The following HM13 variants were observed in gnomAD, a reference collection of about 807,000 sequenced individuals.
HM13 encodes the protein signal peptide peptidase.
In HM13, 18 loss-of-function variants were observed where a neutral mutation model predicts 50.0. That is an observed-to-expected ratio of 0.36 (90% CI 0.25 to 0.53). The LOEUF (loss-of-function observed/expected upper bound fraction) is 0.53, where lower values mean the gene tolerates loss of function less well. Ranked by LOEUF, HM13 falls within the 20% of genes least tolerant of loss-of-function variation. HM13 has a pLI of 0.90. For missense variants in HM13, 393 were observed against 552.4 expected, an observed-to-expected ratio of 0.71 and a Z score of 2.89; for synonymous variants, 197 against 232.6, an observed-to-expected ratio of 0.85 and a Z score of 1.39.
chr20:31,517,416 T>A (rs1981863144), intron 1 of HM13, among the ~76,000 whole-genome samples: 1 of 152,050 alleles, frequency 6.6e-6, no homozygotes, highest in Admixed American at 6.6e-5. Context: ...AACATTGGTT[T>A]AAAGGGCCCT....
chr20:31,553,250 T>C (rs987948830), intron 7 of HM13, among the ~76,000 whole-genome samples: 4 of 145,100 alleles, frequency 2.8e-5, no homozygotes, highest in Non-Finnish European at 3.0e-5. Flanking sequence ...GAGCCGATAT[T>C]GCGCCACTGG....
Position 31,526,160 on chromosome 20 carries a change from CTT to C in HM13, c.184-1310_184-1309del, listed in dbSNP as rs543750641. ...CAAAAAAGAAAGTTCGTCATAAATC[CTT>C]TTTTTTTTTTTTTAGACGGAGTCTT... On this transcript the variant is annotated intron_variant, in intron 1 of 12. Transcript: ENST00000398174. Among the ~76,000 whole-genome samples, 769 of 142,648 alleles carry C rather than the reference CTT, an allele frequency of 5.4e-3. 9 individuals carry two copies. Among genetic ancestry groups the C allele is most frequent in the African/African-American group, 0.018 (685 of 38,896 alleles). The allele number at this position is 142,648 out of a possible 152,430, so 93.6% of individuals were successfully genotyped here.
chr20:31,516,368 CAG>C (rs1461666141), intron 1 of HM13, among the ~76,000 whole-genome samples: 3 of 152,194 alleles, frequency 2.0e-5, no homozygotes, highest in East Asian at 1.9e-4. Flanking sequence ...CCACCACTGT[CAG>C]GGGTAAGGGA....
chr20:31,515,193 A>T (rs934708131), intron 1 of HM13, among the ~76,000 whole-genome samples: 2 of 152,152 alleles, frequency 1.3e-5, no homozygotes, highest in Non-Finnish European at 2.9e-5. Context: ...AGCCCACCGC[A>T]GGGCCCTTTC....
intron 9 of HM13, among the ~76,000 whole-genome samples, chr20:31,560,335 T>C (rs375257386): frequency 5.3e-5 from 8 of 152,248 alleles, no homozygotes; most frequent in African/African-American, 1.9e-4. Context: ...CACTTAACTT[T>C]GAGGTGGTTT....
intron 2 of HM13, among the ~76,000 whole-genome samples, chr20:31,535,895 A>T (rs142240176): frequency 1.3e-5 from 2 of 152,212 alleles, no homozygotes; most frequent in African/African-American, 4.8e-5. Flanking sequence ...CCAGGAAAGC[A>T]TGGAAGAACC....
At chr20:31,540,457 C>A (rs112235148) in intron 3 of HM13, 1 of 152,230 alleles carries the variant, frequency 6.6e-6, no homozygotes, top group African/African-American at 2.4e-5. Context: ...CTCCCCACAG[C>A]CCAGCCTCCA....
At chr20:31,521,843 G>A (rs987179416) in intron 1 of HM13, among the ~76,000 whole-genome samples, 1 of 148,296 alleles carries the variant, frequency 6.7e-6, no homozygotes, top group African/African-American at 2.5e-5. Context: ...TCAGATTTCA[G>A]GTCTCCCATT....
chr20:31,543,651 G>T (rs1600645329), intron 3 of HM13, among the ~76,000 whole-genome samples: 1 of 151,822 alleles, frequency 6.6e-6, no homozygotes, highest in Non-Finnish European at 1.5e-5. Context: ...AGTTCCCTTG[G>T]CCGGGCGCGG....
intron 2 of HM13, among the ~76,000 whole-genome samples, chr20:31,529,313 A>G (rs891727477): frequency 4.0e-4 from 60 of 151,614 alleles, no homozygotes; most frequent in Middle Eastern, 3.4e-3. Flanking sequence ...TAGTGCAATC[A>G]TGGCTCACTA....
intron 1 of HM13, among the ~76,000 whole-genome samples, chr20:31,515,680 A>T (rs577390674): frequency 1.6e-4 from 24 of 152,220 alleles, no homozygotes; most frequent in African/African-American, 4.1e-4. Context: ...CCTATTGGAT[A>T]ACTAGGAGGA....
At chr20:31,531,546 G>C (rs1314819913) in intron 2 of HM13, among the ~76,000 whole-genome samples, 1 of 152,042 alleles carries the variant, frequency 6.6e-6, no homozygotes, top group Non-Finnish European at 1.5e-5. Flanking sequence ...ATAGACGTAT[G>C]TCATTACATC....
In HM13 at chr20:31,569,111, T is replaced by TGG. The variant is rs1461950904; in HGVS notation, c.1182-9_1182-8insGG. ...GAATTTTTATTGTTGTTTTTTTTTT[T>TGG]TTGGTCAGTTATGAGGAGTCAAATC... On this transcript the variant is annotated splice_polypyrimidine_tract_variant and intron_variant, in intron 12 of 12. Transcript: ENST00000398174. The TGG allele has an allele frequency of 6.6e-7, 1 of 1,517,318 alleles. No homozygotes were observed. Among genetic ancestry groups the TGG allele is most frequent in the South Asian group, 1.2e-5 (1 of 80,004 alleles). The allele number at this position is 1,517,318 out of a possible 1,614,324, so 94.0% of individuals were successfully genotyped here. A position where few individuals can be genotyped will look rare whatever the true frequency, so the allele number is the denominator to read the frequency against.
At chr20:31,540,649 A>T (rs1983395150) in intron 3 of HM13, 1 of 152,204 alleles carries the variant, frequency 6.6e-6, no homozygotes, top group Non-Finnish European at 1.5e-5. Flanking sequence ...TAGAATAATA[A>T]CTAAGGGACA....
At chr20:31,557,703 C>CTTTTTTTTTTTT (rs1180267680) in intron 8 of HM13, among the ~76,000 whole-genome samples, 7 of 80,906 alleles carry the variant, frequency 8.7e-5, no homozygotes, top group Admixed American at 3.1e-4. Context: ...GGCAGTGCTT[C>CTTTTTTTTTTTT]TTTTTTTTTT....
intron 3 of HM13, among the ~76,000 whole-genome samples, chr20:31,543,820 G>C (rs1983577913): frequency 1.3e-5 from 2 of 151,908 alleles, no homozygotes; most frequent in African/African-American, 4.8e-5. Context: ...TATAGTCCCA[G>C]CTACTCGGGA....
intron 4 of HM13, chr20:31,547,342 G>C: frequency 6.4e-6 from 2 of 311,432 alleles, no homozygotes; most frequent in Non-Finnish European, 1.2e-5. Flanking sequence ...AGATTTCACC[G>C]GGCCGTAAAG....
intron 3 of HM13, among the ~76,000 whole-genome samples, chr20:31,543,532 G>GC (rs1983560961): frequency 6.6e-6 from 1 of 151,632 alleles, no homozygotes; most frequent in Non-Finnish European, 1.5e-5. Flanking sequence ...CAAGTGATCC[G>GC]CCACCTCAGC....
At position 31,550,055 on chromosome 20, in the gene HM13, TC is replaced by T. The variant is rs1229742250; in HGVS notation, c.667-7del. 6.2e-7 allele frequency: 1 copy of T among 1,611,610 alleles called. No individual in the cohort carries two copies. Among genetic ancestry groups the T allele is most frequent in the African/African-American group, 1.3e-5 (1 of 74,760 alleles). Reference sequence around the variant, plus strand: ...TTCCCTTCATACTGCTCTTTTTTTCTCCTTCTAGGTATTTGGCACCAATGTG... The same window carrying T: ...TTCCCTTCATACTGCTCTTTTTTTCTCTTCTAGGTATTTGGCACCAATGTG... On this transcript the variant is annotated splice_polypyrimidine_tract_variant and splice_region_variant and intron_variant, in intron 6 of 12. Coordinates refer to ENST00000398174, the MANE Select transcript of HM13 (RefSeq NM_178581.3).
Sources: allele counts gnomAD v4.1 joint callset (sites outside exome capture counted in the v4.1 genomes callset), GRCh38; gene constraint gnomAD v4.1.1; transcripts MANE v1.5; gene names NCBI Gene and HGNC (gene_info 2026-07-23, HGNC 2026-07-21).